DNAJC3: variants seen among roughly 807,000 people sequenced by gnomAD.
DNAJC3 encodes dnaJ homolog subfamily C member 3.
DNAJC3 carries 38 observed loss-of-function variants against 68.6 expected under a neutral mutation model. The ratio of observed to expected loss-of-function variants is 0.55; its 90% CI spans 0.43 to 0.73. The LOEUF (loss-of-function observed/expected upper bound fraction) is 0.73, where lower values mean the gene tolerates loss of function less well. Among genes scored for constraint, DNAJC3 ranks in the 30% least tolerant of loss-of-function variants. The pLI is 0.00. For missense variants in DNAJC3, 526 were observed against 591.9 expected, an observed-to-expected ratio of 0.89 and a Z score of 1.16; for synonymous variants, 203 against 204.0, an observed-to-expected ratio of 1.00 and a Z score of 0.04.
intron 9 of DNAJC3, among the ~76,000 whole-genome samples, chr13:95,767,320 C>T (rs1388771384): frequency 1.3e-5 from 2 of 152,182 alleles, no homozygotes; most frequent in African/African-American, 2.4e-5. Flanking sequence ...ATAGTATCCT[C>T]CAGGTTCATC....
chr13:95,712,020 C>T (rs954618986), intron 2 of DNAJC3, among the ~76,000 whole-genome samples: 1 of 152,130 alleles, frequency 6.6e-6, no homozygotes, highest in Admixed American at 6.5e-5. Context: ...CACACAAACA[C>T]ATACACACAC....
intron 10 of DNAJC3, 49 bp from the exon 11 acceptor site, chr13:95,786,958 T>G: frequency 6.4e-7 from 1 of 1,564,460 alleles, no homozygotes; most frequent in South Asian, 1.2e-5. Context: ...TTTATGATAG[T>G]ATGTTAGACA....
intron 9 of DNAJC3, among the ~76,000 whole-genome samples, chr13:95,772,285 A>C (rs1434237929): frequency 6.6e-6 from 1 of 152,224 alleles, no homozygotes. Context: ...CACTTTATCT[A>C]CTGTCATATT....
At chr13:95,752,413 C>G (rs2139667929) in intron 4 of DNAJC3, among the ~76,000 whole-genome samples, 1 of 152,184 alleles carries the variant, frequency 6.6e-6, no homozygotes, top group African/African-American at 2.4e-5. Flanking sequence ...TAATATCTGT[C>G]TTAATTGAAG....
chr13:95,744,621 A>G (rs952342663), intron 4 of DNAJC3: 1 of 152,240 alleles, frequency 6.6e-6, no homozygotes, highest in East Asian at 1.9e-4. Flanking sequence ...ACTTTGATCA[A>G]TATGTATAGT....
In DNAJC3 at chr13:95,728,438, G is replaced by A. The variant is rs182936028; in HGVS notation, c.393+3186G>A. Reference sequence around the variant, plus strand: ...CTGATTACTAATGATGTTGAACATCGTTTCCTGTGCTTATTTGCCATCTGT... The same window carrying A: ...CTGATTACTAATGATGTTGAACATCATTTCCTGTGCTTATTTGCCATCTGT... On this transcript the variant is annotated intron_variant, in intron 4 of 11. Coordinates refer to ENST00000602402, the MANE Select transcript of DNAJC3 (RefSeq NM_006260.5). Among the ~76,000 whole-genome samples, 11 of 152,156 alleles carry A rather than the reference G, an allele frequency of 7.2e-5. No individual in the cohort carries two copies. The East Asian group carries it at 9.6e-4, about 13-fold the overall frequency.
At chr13:95,681,294 CACGG>C (rs1443354548) in intron 1 of DNAJC3, among the ~76,000 whole-genome samples, 3 of 152,160 alleles carry the variant, frequency 2.0e-5, no homozygotes, top group Admixed American at 2.0e-4. Context: ...TATAGGTAAA[CACGG>C]ACGGAGGAAA....
intron 4 of DNAJC3, among the ~76,000 whole-genome samples, chr13:95,726,314 T>C (rs920694538): frequency 6.6e-6 from 1 of 152,202 alleles, no homozygotes; most frequent in South Asian, 2.1e-4. Context: ...GTTCCTATTT[T>C]TCCACATCCT....
At chr13:95,709,452 T>A in intron 2 of DNAJC3, 115 bp downstream of exon 2, 1 of 744,268 alleles carries the variant, frequency 1.3e-6, no homozygotes, top group Non-Finnish European at 2.1e-6. Context: ...ATAAAACATT[T>A]AAATATATTT....
intron 1 of DNAJC3, among the ~76,000 whole-genome samples, chr13:95,698,935 AG>A (rs1880519903): frequency 2.0e-5 from 3 of 152,226 alleles, no homozygotes; most frequent in Non-Finnish European, 1.5e-5. Flanking sequence ...GAAGGGATTT[AG>A]TTTTAATCTA....
At chr13:95,740,097 G>A (rs548358352) in intron 4 of DNAJC3, among the ~76,000 whole-genome samples, 7 of 149,396 alleles carry the variant, frequency 4.7e-5, no homozygotes, top group African/African-American at 1.8e-4. Flanking sequence ...TGCCCCTGCT[G>A]GGGGGTGCCT....
rs2139703185 is a variant in DNAJC3, at chr13:95,791,240, T to C, written c.*210T>C. 2 of 591,168 alleles carry C rather than the reference T, an allele frequency of 3.4e-6. No homozygotes were observed. The highest frequency in any genetic ancestry group is 2.0e-5 in the South Asian group (1 of 49,244). 36.6% of individuals were successfully genotyped at this position (591,168 alleles called of 1,614,324 possible). A position where few individuals can be genotyped will look rare whatever the true frequency, so the allele number is the denominator to read the frequency against. ...AGGAGGCAAGGAATGGTTCTATTTC[T>C]GACAGAGCAGCCTGCATCTGCTTTA... On this transcript the variant is annotated 3_prime_UTR_variant, in exon 12 of 12. Coordinates refer to ENST00000602402, the MANE Select transcript of DNAJC3 (RefSeq NM_006260.5).
chr13:95,779,115 CTT>C (rs1566513834), intron 9 of DNAJC3, among the ~76,000 whole-genome samples: 1 of 122,298 alleles, frequency 8.2e-6, no homozygotes, highest in African/African-American at 3.2e-5. Context: ...ATATTTTCTT[CTT>C]TCTTTTTTTT....
At chr13:95,779,261 C>A (rs953980417) in intron 9 of DNAJC3, among the ~76,000 whole-genome samples, 1 of 151,304 alleles carries the variant, frequency 6.6e-6, no homozygotes, top group African/African-American at 2.4e-5. Flanking sequence ...GTAGCTGGGA[C>A]TACAGGCGCC....
At chr13:95,771,280 G>T (rs1358708705) in intron 9 of DNAJC3, among the ~76,000 whole-genome samples, 2 of 152,138 alleles carry the variant, frequency 1.3e-5, no homozygotes, top group African/African-American at 4.8e-5. Flanking sequence ...TGATACCCAT[G>T]CGACATGTTA....
At chr13:95,731,322 C>T (rs986556742) in intron 4 of DNAJC3, among the ~76,000 whole-genome samples, 3 of 152,156 alleles carry the variant, frequency 2.0e-5, no homozygotes, top group African/African-American at 7.2e-5. Flanking sequence ...CTAGGAATCC[C>T]AGTACTGACT....
intron 1 of DNAJC3, among the ~76,000 whole-genome samples, chr13:95,700,106 C>T (rs1182796826): frequency 6.6e-6 from 1 of 152,100 alleles, no homozygotes; most frequent in Non-Finnish European, 1.5e-5. Context: ...TGAGCCATTG[C>T]AACTGGCCTA....
intron 9 of DNAJC3, among the ~76,000 whole-genome samples, chr13:95,778,538 A>G (rs1042723714): frequency 6.6e-6 from 1 of 152,264 alleles, no homozygotes; most frequent in African/African-American, 2.4e-5. Flanking sequence ...AATATCTACC[A>G]TAAGACAAAT....
intron 2 of DNAJC3, among the ~76,000 whole-genome samples, chr13:95,710,431 A>C (rs1280694351): frequency 1.3e-5 from 2 of 151,926 alleles, no homozygotes; most frequent in Non-Finnish European, 2.9e-5. Flanking sequence ...GGGTCTCACT[A>C]TGTTGTCCAG....
Sources: gnomAD v4.1 joint callset for allele counts (sites outside exome capture counted in the v4.1 genomes callset) on GRCh38, gnomAD v4.1.1 for gene constraint, MANE v1.5 for transcripts, NCBI Gene and HGNC (gene_info 2026-07-23, HGNC 2026-07-21) for gene names.